PCDHA3: variants seen among roughly 807,000 people sequenced by gnomAD.
PCDHA3 encodes protocadherin alpha-3.
In PCDHA3, 41 loss-of-function variants were observed where a neutral mutation model predicts 62.2. The ratio of observed to expected loss-of-function variants is 0.66; its 90% CI spans 0.51 to 0.86. PCDHA3 has a LOEUF of 0.86. Ranked by LOEUF, PCDHA3 falls within the 40% of genes least tolerant of loss-of-function variation. PCDHA3 has a pLI of 0.00. For missense variants in PCDHA3, 1,304 were observed against 1,241.2 expected (o/e 1.05, Z -0.76); for synonymous variants, 640 against 555.4 (o/e 1.15, Z -2.14).
intron 1 of PCDHA3, among the ~76,000 whole-genome samples, chr5:140,965,278 C>T (rs1554227554): frequency 6.6e-6 from 1 of 152,176 alleles, no homozygotes; most frequent in African/African-American, 2.4e-5. Flanking sequence ...AATGACACAG[C>T]ATGGAAAGAT....
intron 1 of PCDHA3, chr5:140,841,697 G>A (rs1777423806): frequency 2.5e-6 from 4 of 1,613,882 alleles, no homozygotes; most frequent in African/African-American, 1.3e-5. Flanking sequence ...GGTGAAGGAT[G>A]TTAATGACAA....
At chr5:140,973,414 C>G (rs992904408) in intron 1 of PCDHA3, among the ~76,000 whole-genome samples, 1 of 152,204 alleles carries the variant, frequency 6.6e-6, no homozygotes, top group Non-Finnish European at 1.5e-5. Flanking sequence ...GCTTCCACTC[C>G]AGTTTTTCAT....
At chr5:140,943,796 C>T (rs2093568961) in intron 1 of PCDHA3, among the ~76,000 whole-genome samples, 1 of 152,032 alleles carries the variant, frequency 6.6e-6, no homozygotes, top group Non-Finnish European at 1.5e-5. Flanking sequence ...TTATGCAAAG[C>T]AAAAGAGGAA....
chr5:140,807,475 C>T, intron 1 of PCDHA3: 1 of 1,612,934 alleles, frequency 6.2e-7, no homozygotes, highest in East Asian at 2.2e-5. Context: ...AGGAGCTGTG[C>T]CGGCGGAGCG....
At chr5:140,982,900 C>G (rs1443607900) in intron 3 of PCDHA3, among the ~76,000 whole-genome samples, 1 of 151,932 alleles carries the variant, frequency 6.6e-6, no homozygotes, top group African/African-American at 2.4e-5. Flanking sequence ...ATCTGGTGGC[C>G]TTATGCACAG....
chr5:140,945,455 A>G (rs2093793181), intron 1 of PCDHA3, among the ~76,000 whole-genome samples: 1 of 152,192 alleles, frequency 6.6e-6, no homozygotes, highest in African/African-American at 2.4e-5. Flanking sequence ...AACTTCCCTA[A>G]AATTTGCATG....
chr5:140,879,475 A>G (rs567061434), intron 1 of PCDHA3, among the ~76,000 whole-genome samples: 1 of 152,326 alleles, frequency 6.6e-6, no homozygotes, highest in Non-Finnish European at 1.5e-5. Flanking sequence ...TACCGTTGTG[A>G]TTGGAAATAT....
chr5:140,835,133 A>G, intron 1 of PCDHA3: 2 of 1,375,436 alleles, frequency 1.5e-6, no homozygotes, highest in Non-Finnish European at 2.0e-6. Flanking sequence ...ATACGGTGAA[A>G]TTACCAGAAA....
intron 1 of PCDHA3, chr5:140,830,206 C>A: frequency 1.9e-6 from 3 of 1,613,782 alleles, no homozygotes; most frequent in Non-Finnish European, 2.5e-6. Context: ...TCGCCATCTG[C>A]GCGGTATCCA....
intron 3 of PCDHA3, 42 bp downstream of exon 3, chr5:140,982,605 A>G: frequency 1.9e-6 from 3 of 1,605,520 alleles, no homozygotes; most frequent in Non-Finnish European, 2.6e-6. Flanking sequence ...GGTTTCTGGA[A>G]AGTGATCAGA....
chr5:140,884,699 C>A, intron 1 of PCDHA3: 3 of 1,500,334 alleles, frequency 2.0e-6, no homozygotes, highest in Non-Finnish European at 2.7e-6. Context: ...TTAGTAAACA[C>A]TTTAGCCTTC....
chr5:140,848,541 C>T (rs2150412469), intron 1 of PCDHA3: 3 of 1,595,306 alleles, frequency 1.9e-6, no homozygotes, highest in African/African-American at 1.3e-5. Context: ...GCCTCTACTG[C>T]TCTCGCTTCT....
Position 140,802,986 on chromosome 5 carries a change from G to A in PCDHA3, c.1789G>A (p.Val597Met). 1 of 1,614,030 alleles carries A rather than the reference G, an allele frequency of 6.2e-7. No individual in the cohort carries two copies. The highest frequency in any genetic ancestry group is 8.5e-7 in the Non-Finnish European group (1 of 1,179,932). ...AGHVVAKVRA[V>M]DADSGYNAWL... ...CCACGTGGTAGCGAAGGTGCGCGCA[G>A]TGGATGCAGACTCAGGCTACAACGC... Residue 597 changes from valine (V) to methionine (M), a missense_variant, in exon 1 of 4, where the codon GTG (valine) becomes ATG (methionine). Physicochemically the swap from Val to Met is conservative, Grantham distance 21. Transcript: ENST00000522353.
chr5:141,005,287 A>AT (rs1405339052), intron 3 of PCDHA3, among the ~76,000 whole-genome samples: 5 of 152,162 alleles, frequency 3.3e-5, no homozygotes, highest in Admixed American at 1.3e-4. Context: ...AAACAGATAC[A>AT]TTTTTTGCCT....
intron 1 of PCDHA3, chr5:140,857,893 T>A (rs781996912): frequency 6.3e-7 from 1 of 1,596,578 alleles, no homozygotes; most frequent in South Asian, 1.1e-5. Flanking sequence ...CGGCGGCGGT[T>A]GGTGCACGCA....
chr5:140,926,766 C>A (rs950499262), intron 1 of PCDHA3: 34 of 1,343,396 alleles, frequency 2.5e-5, no homozygotes, highest in Non-Finnish European at 3.3e-5. Context: ...GAGTATCCAG[C>A]CCGCAGCAGT....
chr5:140,870,085 C>A, intron 1 of PCDHA3: 1 of 1,613,862 alleles, frequency 6.2e-7, no homozygotes, highest in Non-Finnish European at 8.5e-7. Context: ...GGGGACTCCC[C>A]CAATGGCAGG....
intron 1 of PCDHA3, chr5:140,841,795 C>T (rs2150322842): frequency 6.2e-7 from 1 of 1,613,824 alleles, no homozygotes; most frequent in Non-Finnish European, 8.5e-7. Context: ...AGGGCGCGTC[C>T]GATGCAGATG....
chr5:140,832,984 G>C (rs1373514352), intron 1 of PCDHA3, among the ~76,000 whole-genome samples: 1 of 152,156 alleles, frequency 6.6e-6, no homozygotes, highest in Non-Finnish European at 1.5e-5. Context: ...CTAGAAATGA[G>C]GAATAGTCCA....
Sources: allele counts gnomAD v4.1 joint callset (sites outside exome capture counted in the v4.1 genomes callset), GRCh38; gene constraint gnomAD v4.1.1; transcripts MANE v1.5; gene names NCBI Gene and HGNC (gene_info 2026-07-23, HGNC 2026-07-21).